RPAP2: variants seen among roughly 807,000 people sequenced by gnomAD.
RPAP2 encodes RNA polymerase II associated protein 2.
In RPAP2, 52 loss-of-function variants were observed where a neutral mutation model predicts 73.1. The observed-to-expected ratio is 0.71, with a 90% CI of 0.57 to 0.90. RPAP2 has a LOEUF of 0.90. Ranked by LOEUF, RPAP2 falls within the 40% of genes least tolerant of loss-of-function variation. RPAP2 has a pLI of 0.00. For synonymous variants in RPAP2, 225 were observed against 242.1 expected, an observed-to-expected ratio of 0.93 and a Z score of 0.65; for missense variants, 598 against 701.8, an observed-to-expected ratio of 0.85 and a Z score of 1.67.
At chr1:92,378,194 TTC>T (rs1655473261) in intron 11 of RPAP2, among the ~76,000 whole-genome samples, 1 of 151,976 alleles carries the variant, frequency 6.6e-6, no homozygotes, top group Non-Finnish European at 1.5e-5. Flanking sequence ...TATTCATTCA[TTC>T]ATTCATTCAT....
At chr1:92,313,965 T>C (rs944416075) in intron 6 of RPAP2, among the ~76,000 whole-genome samples, 4 of 152,208 alleles carry the variant, frequency 2.6e-5, no homozygotes, top group Non-Finnish European at 4.4e-5. Flanking sequence ...CTCACCTCTC[T>C]CAGTCTTCAC....
rs1209544548 is a variant in RPAP2, at chr1:92,395,070, A to C, written c.*8059A>C. 1 of 152,246 alleles carries C rather than the reference A, an allele frequency of 6.6e-6. No individual in the cohort carries two copies. Among genetic ancestry groups the C allele is most frequent in the Non-Finnish European group, 1.5e-5 (1 of 68,038 alleles). 9.4% of individuals were successfully genotyped at this position (152,246 alleles called of 1,614,324 possible). On this transcript the variant is annotated 3_prime_UTR_variant, in exon 13 of 13. Transcript: ENST00000610020. ...ATTATGGAGAAAAGATGGTCTTTTC[A>C]ACAAATAGTGCTAGGATATTTGGAT...
At position 92,390,756 on chromosome 1, in the gene RPAP2, T is replaced by C. The variant is rs1287531641; in HGVS notation, c.*3745T>C. 6.6e-6 allele frequency: 1 copy of C among 152,084 alleles called. No individual in the cohort carries two copies. Among genetic ancestry groups the C allele is most frequent in the African/African-American group, 2.4e-5 (1 of 41,424 alleles). The allele number at this position is 152,084 out of a possible 1,614,324, so 9.4% of individuals were successfully genotyped here. ...CAGGGGTTGCAATCCTAGTCTCTGA[T>C]AAAACAGACTTTAAACCAACAAAGA... On this transcript the variant is annotated 3_prime_UTR_variant, in exon 13 of 13. Coordinates refer to ENST00000610020, the MANE Select transcript of RPAP2 (RefSeq NM_024813.3).
chr1:92,354,192 C>G (rs1654348619), intron 11 of RPAP2, among the ~76,000 whole-genome samples: 1 of 152,170 alleles, frequency 6.6e-6, no homozygotes, highest in Non-Finnish European at 1.5e-5. Context: ...CCTGATTGAG[C>G]TCCCTGAGAG....
intron 6 of RPAP2, among the ~76,000 whole-genome samples, chr1:92,311,830 AT>A (rs1360556773): frequency 6.6e-6 from 1 of 152,230 alleles, no homozygotes; most frequent in Non-Finnish European, 1.5e-5. Flanking sequence ...TCTTTAAAAA[AT>A]AATGTACATA....
intron 11 of RPAP2, among the ~76,000 whole-genome samples, chr1:92,354,242 A>T (rs1461417157): frequency 6.6e-6 from 1 of 152,236 alleles, no homozygotes; most frequent in Non-Finnish European, 1.5e-5. Flanking sequence ...TAACCTTAGC[A>T]TCGGGGTCTG....
rs1656011484 is a variant in RPAP2, at chr1:92,390,664, GACAC to G, written c.*3657_*3660del. 6.6e-6 allele frequency: 1 copy of G among 152,172 alleles called. No homozygotes were observed. Among genetic ancestry groups the G allele is most frequent in the Non-Finnish European group, 1.5e-5 (1 of 68,034 alleles). The allele number at this position is 152,172 out of a possible 1,614,324, so 9.4% of individuals were successfully genotyped here. A position where few individuals can be genotyped will look rare whatever the true frequency, so the allele number is the denominator to read the frequency against. ...TCAGGAGACCCATCTCATGTGCAAA[GACAC>G]ACATAGGCTCAGAATAAAAGGATGT... On this transcript the variant is annotated 3_prime_UTR_variant, in exon 13 of 13. Coordinates refer to ENST00000610020, the MANE Select transcript of RPAP2 (RefSeq NM_024813.3).
rs1203061745 is a variant in RPAP2, at chr1:92,391,470, G to C, written c.*4459G>C. The C allele has an allele frequency of 6.6e-6, 1 of 152,144 alleles. No homozygotes were observed. Among genetic ancestry groups the C allele is most frequent in the African/African-American group, 2.4e-5 (1 of 41,412 alleles). 9.4% of individuals were successfully genotyped at this position (152,144 alleles called of 1,614,324 possible). On this transcript the variant is annotated 3_prime_UTR_variant, in exon 13 of 13. Transcript: ENST00000610020. Reference sequence around the variant, plus strand: ...CAACACCCTAACATCACAATTAAAAGAACTAGAGAAGCAAGACCAAACAAA... The same window carrying C: ...CAACACCCTAACATCACAATTAAAACAACTAGAGAAGCAAGACCAAACAAA...
At chr1:92,319,491 C>T (rs1169818772) in intron 6 of RPAP2, among the ~76,000 whole-genome samples, 6 of 152,204 alleles carry the variant, frequency 3.9e-5, no homozygotes, top group East Asian at 1.9e-4. Context: ...GTCTGGCAGG[C>T]GCGGTGGCTC....
chr1:92,318,682 T>C (rs1340599338), intron 6 of RPAP2, among the ~76,000 whole-genome samples: 2 of 152,214 alleles, frequency 1.3e-5, no homozygotes, highest in Non-Finnish European at 2.9e-5. Context: ...CCCTCCTTTA[T>C]CTTACTGATT....
chr1:92,314,296 C>T (rs1010613379), intron 6 of RPAP2, among the ~76,000 whole-genome samples: 8 of 150,470 alleles, frequency 5.3e-5, no homozygotes, highest in African/African-American at 2.0e-4. Flanking sequence ...ACTCAGAGGC[C>T]ATTGTAAGGG....
intron 11 of RPAP2, among the ~76,000 whole-genome samples, chr1:92,346,492 C>T (rs1422499014): frequency 2.0e-5 from 3 of 152,090 alleles, no homozygotes; most frequent in Non-Finnish European, 4.4e-5. Flanking sequence ...AGACAAATAT[C>T]CTCATGTGGA....
intron 11 of RPAP2, among the ~76,000 whole-genome samples, chr1:92,363,256 G>A (rs1233834322): frequency 6.6e-6 from 1 of 152,124 alleles, no homozygotes; most frequent in African/African-American, 2.4e-5. Flanking sequence ...ACAGACTTAA[G>A]CATACGGTAT....
At chr1:92,339,215 C>T (rs955348273) in intron 10 of RPAP2, among the ~76,000 whole-genome samples, 1 of 152,034 alleles carries the variant, frequency 6.6e-6, no homozygotes, top group South Asian at 2.1e-4. Flanking sequence ...AAATGTTAGG[C>T]TACCCCAGAT....
chr1:92,366,110 AT>A (rs1557626263), intron 11 of RPAP2, among the ~76,000 whole-genome samples: 1 of 152,186 alleles, frequency 6.6e-6, no homozygotes, highest in Admixed American at 6.5e-5. Flanking sequence ...TCTAGCTCCA[AT>A]TTAGAAAGTT....
rs191569251 is a variant in RPAP2, at chr1:92,316,805, T to C, written c.489-3794T>C. On this transcript the variant is annotated intron_variant, in intron 6 of 12. Transcript: ENST00000610020. ...AAGAAAGAGCAATGTAACTTGGTGC[T>C]TCATTCTTTCTAAAACAGCACCTAG... 4.1e-4 allele frequency among the ~76,000 whole-genome samples: 63 copies of C among 152,320 alleles called. No homozygotes were observed. The East Asian group carries it at 0.012, about 29-fold the overall frequency.
At chr1:92,386,341 T>C (rs1324580598) in intron 12 of RPAP2, among the ~76,000 whole-genome samples, 8 of 152,196 alleles carry the variant, frequency 5.3e-5, no homozygotes, top group African/African-American at 1.9e-4. Context: ...TCCAGTTTTA[T>C]ATATAGCATA....
At chr1:92,323,171 A>G (rs940901194) in intron 7 of RPAP2, among the ~76,000 whole-genome samples, 1 of 150,082 alleles carries the variant, frequency 6.7e-6, no homozygotes, top group Non-Finnish European at 1.5e-5. Flanking sequence ...GTACTCCTGT[A>G]ACAATTTTAA....
intron 6 of RPAP2, among the ~76,000 whole-genome samples, chr1:92,318,389 C>T (rs1413343012): frequency 6.6e-6 from 1 of 152,230 alleles, no homozygotes; most frequent in African/African-American, 2.4e-5. Flanking sequence ...CACTTAGTTA[C>T]ATATAGATTT....
Sources: allele counts gnomAD v4.1 joint callset (sites outside exome capture counted in the v4.1 genomes callset), GRCh38; gene constraint gnomAD v4.1.1; transcripts MANE v1.5; gene names NCBI Gene and HGNC (gene_info 2026-07-23, HGNC 2026-07-21).